KCNIP1: variants seen among roughly 807,000 people sequenced by gnomAD.
The protein encoded by KCNIP1 is A-type potassium channel modulatory protein KCNIP1.
KCNIP1 carries 18 observed loss-of-function variants against 33.0 expected under a neutral mutation model. The ratio of observed to expected loss-of-function variants is 0.55; its 90% confidence interval spans 0.38 to 0.81. The LOEUF (loss-of-function observed/expected upper bound fraction) is 0.81. Ranked by LOEUF, KCNIP1 falls within the 30% of genes least tolerant of loss-of-function variation. The probability of loss-of-function intolerance (pLI) is 0.00; values close to 1 mark genes in which losing one functional copy is unlikely to be tolerated. For missense variants in KCNIP1, 238 were observed against 271.6 expected, an observed-to-expected ratio of 0.88 and a Z score of 0.87; for synonymous variants, 93 against 98.3, an observed-to-expected ratio of 0.95 and a Z score of 0.32.
chr5:170,700,828 T>C (rs774112553), intron 1 of KCNIP1, among the ~76,000 whole-genome samples: 1 of 152,032 alleles, frequency 6.6e-6, no homozygotes, highest in Non-Finnish European at 1.5e-5. Context: ...TTCAAAAGGG[T>C]AAAAGGTACA....
At chr5:170,677,925 T>G (rs1388308223) in intron 1 of KCNIP1, among the ~76,000 whole-genome samples, 1 of 152,172 alleles carries the variant, frequency 6.6e-6, no homozygotes, top group Non-Finnish European at 1.5e-5. Flanking sequence ...TGGGACAAAT[T>G]TAGTAAGAGA....
intron 1 of KCNIP1, among the ~76,000 whole-genome samples, chr5:170,655,447 C>T (rs1243109226): frequency 2.6e-5 from 4 of 152,208 alleles, no homozygotes; most frequent in African/African-American, 9.6e-5. Flanking sequence ...TCCCATTTTG[C>T]TCTGGTTGAA....
rs373012088 is a variant in KCNIP1 at position 170,620,675 on chromosome 5, A to G, written c.62-98083A>G. On this transcript the variant is annotated intron_variant, in intron 1 of 7. Coordinates refer to ENST00000328939, the MANE Select transcript of KCNIP1 (RefSeq NM_014592.4). ...TATCAGGTTGAATTTTTGGAGAAAT[A>G]AAACAAAAAGCATCTTGACTAATTT... Among the ~76,000 whole-genome samples, 11 of 152,332 alleles carry G rather than the reference A, an allele frequency of 7.2e-5. No homozygotes were observed. The South Asian group carries it at 1.5e-3, about 20-fold the overall frequency.
chr5:170,423,670 T>G (rs565883876), intron 1 of KCNIP1, among the ~76,000 whole-genome samples: 3 of 152,336 alleles, frequency 2.0e-5, no homozygotes, highest in African/African-American at 7.2e-5. Context: ...TGGAAAAATT[T>G]TATGAATCGG....
chr5:170,417,418 T>C (rs1755358758), intron 1 of KCNIP1, among the ~76,000 whole-genome samples: 1 of 152,238 alleles, frequency 6.6e-6, no homozygotes, highest in Non-Finnish European at 1.5e-5. Flanking sequence ...GGGGAATTAG[T>C]GAGCCTCTTC....
chr5:170,376,952 A>G (rs558566195), intron 1 of KCNIP1: 1 of 152,362 alleles, frequency 6.6e-6, no homozygotes, highest in Non-Finnish European at 1.5e-5. Context: ...TGTGTCAAAC[A>G]TTCCTTCAGC....
upstream of KCNIP1, among the ~76,000 whole-genome samples, chr5:170,501,102 A>G (rs1315404117): frequency 6.6e-6 from 1 of 152,226 alleles, no homozygotes; most frequent in Non-Finnish European, 1.5e-5. Context: ...AGAGGGAGAG[A>G]CAGGCAAGGA....
intron 1 of KCNIP1, among the ~76,000 whole-genome samples, chr5:170,468,129 G>A (rs1283471869): frequency 6.6e-6 from 1 of 152,092 alleles, no homozygotes; most frequent in Non-Finnish European, 1.5e-5. Context: ...ATTCTAAGTT[G>A]AAATCTTACT....
intron 1 of KCNIP1, among the ~76,000 whole-genome samples, chr5:170,414,761 T>C (rs937726244): frequency 1.3e-5 from 2 of 152,264 alleles, no homozygotes; most frequent in African/African-American, 4.8e-5. Context: ...AATCATTACT[T>C]GCTATCCCTT....
intron 1 of KCNIP1, among the ~76,000 whole-genome samples, chr5:170,702,141 C>T (rs1264371135): frequency 6.6e-6 from 1 of 152,240 alleles, no homozygotes; most frequent in African/African-American, 2.4e-5. Flanking sequence ...ATTCACAGCT[C>T]CATCCCCACC....
intron 1 of KCNIP1, among the ~76,000 whole-genome samples, chr5:170,519,954 A>G (rs1183104614): frequency 6.6e-6 from 1 of 152,162 alleles, no homozygotes; most frequent in African/African-American, 2.4e-5. Flanking sequence ...GAGCGAAAGC[A>G]TGAAGAAATG....
chr5:170,682,177 C>T (rs1239252115), intron 1 of KCNIP1, among the ~76,000 whole-genome samples: 1 of 152,116 alleles, frequency 6.6e-6, no homozygotes, highest in Non-Finnish European at 1.5e-5. Context: ...ATGAGGTAAG[C>T]CCTGGAGTAA....
intron 1 of KCNIP1, among the ~76,000 whole-genome samples, chr5:170,628,706 C>T (rs1169003153): frequency 6.6e-6 from 1 of 152,196 alleles, no homozygotes; most frequent in Non-Finnish European, 1.5e-5. Context: ...GCCTGGTTGT[C>T]CTGCGAAGAC....
chr5:170,587,352 GT>G (rs1343762338), intron 1 of KCNIP1, among the ~76,000 whole-genome samples: 1 of 147,422 alleles, frequency 6.8e-6, no homozygotes, highest in African/African-American at 2.5e-5. Flanking sequence ...AAACCATGAG[GT>G]GGAGGTTGCA....
chr5:170,569,262 A>G (rs1292470936), intron 1 of KCNIP1, among the ~76,000 whole-genome samples: 1 of 152,266 alleles, frequency 6.6e-6, no homozygotes, highest in Non-Finnish European at 1.5e-5. Context: ...GTTCTGACCC[A>G]GGTCGATGGA....
In KCNIP1 at chr5:170,556,178, A is replaced by G. The variant is rs1756840200; in HGVS notation, c.61+51545A>G. Among the ~76,000 whole-genome samples, 5 of 152,242 alleles carry G rather than the reference A, an allele frequency of 3.3e-5. No homozygotes were observed. The South Asian group carries it at 1.0e-3, about 31-fold the overall frequency. On this transcript the variant is annotated intron_variant, in intron 1 of 7. Coordinates refer to ENST00000328939, the MANE Select transcript of KCNIP1 (RefSeq NM_014592.4). ...ATTATCCCTATTTGATGGATGAGCA[A>G]GCTGTGGTTCATTAAACCACATCCC... is the stretch of plus-strand genomic sequence containing the variant.
chr5:170,510,877 T>C (rs969368001), intron 1 of KCNIP1, among the ~76,000 whole-genome samples: 2 of 152,204 alleles, frequency 1.3e-5, no homozygotes, highest in Non-Finnish European at 2.9e-5. Context: ...CATTGGTTCA[T>C]AGCTGAGCCT....
At chr5:170,494,777 C>T (rs1211912375) in intron 1 of KCNIP1, among the ~76,000 whole-genome samples, 4 of 152,202 alleles carry the variant, frequency 2.6e-5, no homozygotes, top group Non-Finnish European at 5.9e-5. Flanking sequence ...TCTTTCTCTT[C>T]CCTCCACTGC....
intron 1 of KCNIP1, among the ~76,000 whole-genome samples, chr5:170,445,433 G>A (rs1384590229): frequency 2.0e-5 from 3 of 152,246 alleles, no homozygotes. Context: ...CGAGTGAGAG[G>A]ACTGCGGATC....
Sources: gnomAD v4.1 joint callset for allele counts (sites outside exome capture counted in the v4.1 genomes callset) on GRCh38, gnomAD v4.1.1 for gene constraint, MANE v1.5 for transcripts, NCBI Gene and HGNC (gene_info 2026-07-23, HGNC 2026-07-21) for gene names.